NECAP2: variants seen among roughly 807,000 people sequenced by gnomAD.
NECAP2 encodes the protein NECAP endocytosis associated 2, also known as adaptin ear-binding coat-associated protein 2.
NECAP2 carries 38 observed loss-of-function variants against 37.8 expected under a neutral mutation model. The ratio of observed to expected loss-of-function variants is 1.01; its 90% CI spans 0.78 to 1.32. NECAP2 has a LOEUF of 1.32. Among genes scored for constraint, NECAP2 ranks in the 40% most tolerant of loss-of-function variants. The pLI is 0.00. For synonymous variants in NECAP2, 121 were observed against 127.7 expected, an observed-to-expected ratio of 0.95 and a Z score of 0.35; for missense variants, 316 against 334.5, an observed-to-expected ratio of 0.94 and a Z score of 0.43.
chr1:16,440,804 G>A lies in NECAP2; in HGVS notation c.43G>A (p.Asp15Asn). The change falls in exon 1 of 8, where the codon GAC (aspartate) becomes AAC (asparagine). Residue 15 changes from aspartate to asparagine, a missense_variant. By Grantham distance (23) the Asp-to-Asn change is conservative. Coordinates refer to ENST00000337132, the MANE Select transcript of NECAP2 (RefSeq NM_018090.5). ...GYESVLCVKP[D>N]VHVYRIPPRA... ...CGAGTCGGTGCTCTGTGTCAAGCCT[G>A]ACGTCCACGTCTACCGCATCCCTCC... The A allele has an allele frequency of 6.2e-7, 1 of 1,614,188 alleles. No homozygotes were observed. The highest frequency in any genetic ancestry group is 2.2e-5 in the East Asian group (1 of 44,874).
intron 1 of NECAP2, among the ~76,000 whole-genome samples, chr1:16,442,762 AT>A (rs1337506319): frequency 2.0e-5 from 3 of 151,968 alleles, no homozygotes; most frequent in Non-Finnish European, 2.9e-5. Flanking sequence ...TATCTCTATA[AT>A]TTTTTTTAAT....
At chr1:16,441,125 C>G (rs2086684615) in intron 1 of NECAP2, 1 of 489,246 alleles carries the variant, frequency 2.0e-6, no homozygotes. Context: ...GTACCCTAAA[C>G]TTGGTCGGGG....
chr1:16,456,633 T>C (rs2086923886), intron 7 of NECAP2, among the ~76,000 whole-genome samples: 1 of 152,178 alleles, frequency 6.6e-6, no homozygotes, highest in Non-Finnish European at 1.5e-5. Context: ...TTCCATAAGA[T>C]CTCAAGACTT....
Position 16,452,989 on chromosome 1 carries a change from CAGAG to C in NECAP2, c.667+977_667+980del, listed in dbSNP as rs569422053. Among the ~76,000 whole-genome samples the C allele has an allele frequency of 8.5e-5, 13 of 152,216 alleles. No individual in the cohort carries two copies. In the South Asian group the frequency reaches 2.5e-3, roughly 29 times the overall value. The stretch of plus-strand genomic sequence containing the variant: ...TGGGGAGAGTGGCAGGAGGGGCAGT[CAGAG>C]AGCCCCGGCCCGGTACCAGGAACTG... On this transcript the variant is annotated intron_variant, in intron 6 of 7. Coordinates refer to ENST00000337132, the MANE Select transcript of NECAP2 (RefSeq NM_018090.5).
At position 16,450,248 on chromosome 1, in the gene NECAP2, GTTTTT is replaced by G. The variant is rs35074812; in HGVS notation, c.489+1052_489+1056del. 1.0e-4 allele frequency: 37 copies of G among 356,934 alleles called. 1 individual carries two copies. The highest frequency in any genetic ancestry group is 4.3e-4 in the Admixed American group (11 of 25,860). 22.1% of individuals were successfully genotyped at this position (356,934 alleles called of 1,614,324 possible). On this transcript the variant is annotated intron_variant, in intron 5 of 7. Coordinates refer to ENST00000337132, the MANE Select transcript of NECAP2 (RefSeq NM_018090.5). ...AGCATCAGCTGAGGGCCAGGTAGTG[GTTTTT>G]TTTTGTTTTGTTTTGTTTTTTGTTT...
At chr1:16,443,210 G>T (rs74558348) in intron 1 of NECAP2, among the ~76,000 whole-genome samples, 2 of 152,228 alleles carry the variant, frequency 1.3e-5, no homozygotes, top group African/African-American at 4.8e-5. Context: ...GGTCTAGAGA[G>T]GGGGTCACCA....
rs2086972412 is a variant in NECAP2 at position 16,459,055 on chromosome 1, T to C, written c.*165T>C. Reference sequence around the variant, plus strand: ...CAAACCGGGCATGTTTGGCAGTAAATTGGCACCGTGTCACACTGTTTCCTG... The same window carrying C: ...CAAACCGGGCATGTTTGGCAGTAAACTGGCACCGTGTCACACTGTTTCCTG... On this transcript the variant is annotated 3_prime_UTR_variant, in exon 8 of 8. Transcript: ENST00000337132. 1.3e-6 allele frequency: 2 copies of C among 1,494,142 alleles called. No individual in the cohort carries two copies. Among genetic ancestry groups the C allele is most frequent in the East Asian group, 2.5e-5 (1 of 40,548 alleles). The allele number at this position is 1,494,142 out of a possible 1,614,324, so 92.6% of individuals were successfully genotyped here. A position where few individuals can be genotyped will look rare whatever the true frequency, so the allele number is the denominator to read the frequency against.
intron 2 of NECAP2, among the ~76,000 whole-genome samples, chr1:16,445,861 G>C (rs932010788): frequency 6.6e-6 from 1 of 151,882 alleles, no homozygotes; most frequent in Non-Finnish European, 1.5e-5. Context: ...CCGAGATTGC[G>C]CCACTGCACT....
At chr1:16,448,585 C>G (rs899226526) in intron 4 of NECAP2, among the ~76,000 whole-genome samples, 1 of 152,326 alleles carries the variant, frequency 6.6e-6, no homozygotes. Flanking sequence ...TGGGCTGTGC[C>G]CGGCCACTCA....
chr1:16,448,685 G>A (rs1007416743), intron 4 of NECAP2, among the ~76,000 whole-genome samples: 2 of 152,126 alleles, frequency 1.3e-5, no homozygotes, highest in African/African-American at 4.8e-5. Context: ...CTACTTTTGG[G>A]TATCTGTCTT....
intron 1 of NECAP2, 55 bp downstream of exon 1, chr1:16,440,908 C>T: frequency 6.8e-7 from 1 of 1,471,150 alleles, no homozygotes; most frequent in Non-Finnish European, 9.5e-7. Flanking sequence ...TCTCCGCCAC[C>T]CGGACACACC....
chr1:16,440,744 T>G lies in NECAP2; in HGVS notation c.-18T>G, dbSNP rs779894634. 6 of 1,610,204 alleles carry G rather than the reference T, an allele frequency of 3.7e-6. No individual in the cohort carries two copies. The South Asian group carries it at 5.5e-5, about 15-fold the overall frequency. ...ACGGTGGAAGTCGCCGGAAGTTCGGTGGGCTCCAGGCGTCGCGATGGAGGA... is the reference window on the plus strand; with the variant it reads ...ACGGTGGAAGTCGCCGGAAGTTCGGGGGGCTCCAGGCGTCGCGATGGAGGA... On this transcript the variant is annotated 5_prime_UTR_variant, in exon 1 of 8. Coordinates refer to ENST00000337132, the MANE Select transcript of NECAP2 (RefSeq NM_018090.5).
At chr1:16,450,628 AT>A (rs1241751453) in intron 5 of NECAP2, 1 of 153,174 alleles carries the variant, frequency 6.5e-6, no homozygotes, top group African/African-American at 2.4e-5. Flanking sequence ...CAAATCATAA[AT>A]GCAGAACTCT....
At chr1:16,456,980 G>A (rs1285996548) in intron 7 of NECAP2, among the ~76,000 whole-genome samples, 4 of 152,138 alleles carry the variant, frequency 2.6e-5, no homozygotes, top group African/African-American at 9.7e-5. Context: ...GGGATTATAG[G>A]CACGAGCCAG....
At chr1:16,454,314 C>T (rs1397436875) in intron 6 of NECAP2, among the ~76,000 whole-genome samples, 3 of 151,658 alleles carry the variant, frequency 2.0e-5, no homozygotes, top group Non-Finnish European at 4.4e-5. Flanking sequence ...CCGCCTTGAC[C>T]TCCCAAAGTG....
intron 1 of NECAP2, chr1:16,441,090 C>T (rs1052507219): frequency 3.7e-6 from 2 of 544,366 alleles, no homozygotes; most frequent in Non-Finnish European, 6.6e-6. Context: ...GTATCTAGCG[C>T]TTAGGGACCC....
intron 2 of NECAP2, among the ~76,000 whole-genome samples, chr1:16,443,989 A>G (rs1335121301): frequency 6.6e-6 from 1 of 152,140 alleles, no homozygotes; most frequent in Non-Finnish European, 1.5e-5. Context: ...GGCCAAGGAG[A>G]GGAGACCGCA....
At chr1:16,457,953 C>T (rs77306085) in intron 7 of NECAP2, among the ~76,000 whole-genome samples, 4,542 of 151,880 alleles carry the variant, frequency 0.03, 222 homozygotes, top group African/African-American at 0.1. Flanking sequence ...TCCAGCAGTC[C>T]GCCTACCTCA....
chr1:16,458,873 G>A lies in NECAP2; in HGVS notation c.775G>A (p.Gly259Ser), dbSNP rs1157139084. Residue 259 changes from glycine to serine, a missense_variant, in exon 8 of 8, where the codon GGC becomes AGC. By Grantham distance (56) the Gly-to-Ser change is moderately conservative. Around this residue, in one of 3 missense-constraint regions of NECAP2, gnomAD observed 204 missense variants for 188.6 expected, o/e 1.08. Transcript: ENST00000337132. ...TTCCAGCCAGACCCAGCCAGGCACA[G>A]GCTGGGTCCAGTTCTGACCTGAGCA... ...STSSQTQPGTGWVQF is the reference protein window; with the variant it reads ...STSSQTQPGTSWVQF 1 of 1,613,968 alleles carries A rather than the reference G, an allele frequency of 6.2e-7. No individual in the cohort carries two copies. Among genetic ancestry groups the A allele is most frequent in the South Asian group, 1.1e-5 (1 of 91,076 alleles).
Sources: allele counts gnomAD v4.1 joint callset (sites outside exome capture counted in the v4.1 genomes callset), GRCh38; gene constraint gnomAD v4.1.1; regional missense constraint gnomAD v4.1.1; transcripts MANE v1.5; gene names NCBI Gene and HGNC (gene_info 2026-07-23, HGNC 2026-07-21).